PTPRN2: variants seen among roughly 807,000 people sequenced by gnomAD.
The protein encoded by PTPRN2 is receptor-type tyrosine-protein phosphatase N2.
A neutral mutation model predicts 118.8 loss-of-function variants in PTPRN2; 74 were observed. That is an observed-to-expected ratio of 0.62 (90% CI 0.52 to 0.76). PTPRN2 has a LOEUF of 0.76. Among genes scored for constraint, PTPRN2 ranks in the 30% least tolerant of loss-of-function variants. PTPRN2 has a pLI of 0.00. For synonymous variants in PTPRN2, 641 were observed against 608.0 expected (o/e 1.05, Z -0.80); for missense variants, 1,481 against 1,394.4 (o/e 1.06, Z -0.99).
chr7:158,053,062 C>T (rs1387622971), intron 11 of PTPRN2, among the ~76,000 whole-genome samples: 1 of 152,232 alleles, frequency 6.6e-6, no homozygotes, highest in Admixed American at 6.5e-5. Flanking sequence ...GTGGGCACAA[C>T]CCCCAGAAGC....
At chr7:157,742,174 G>A (rs766345789) in intron 12 of PTPRN2, among the ~76,000 whole-genome samples, 1 of 152,208 alleles carries the variant, frequency 6.6e-6, no homozygotes, top group Non-Finnish European at 1.5e-5. Flanking sequence ...ACTGATTTGA[G>A]CATCAAAAGG....
intron 11 of PTPRN2, among the ~76,000 whole-genome samples, chr7:157,942,200 GGTCCTCGGCCCACCCTCCACACACGGGA>G (rs1563260060): frequency 2.6e-4 from 10 of 39,172 alleles, no homozygotes; most frequent in Non-Finnish European, 3.2e-4. Flanking sequence ...CACACACAGG[GGTCCTCGGCCCACCCTCCACACACGGGA>G]GTCCTCGGCA....
At chr7:158,333,897 C>T (rs1341530359) in intron 2 of PTPRN2, among the ~76,000 whole-genome samples, 3 of 143,840 alleles carry the variant, frequency 2.1e-5, no homozygotes, top group Admixed American at 7.0e-5. Flanking sequence ...TAAGAGCTGA[C>T]ACCCGCAGAC....
rs530244159 is a variant in PTPRN2, at chr7:158,526,842, C to G, written c.113-37057G>C. 6.6e-6 allele frequency among the ~76,000 whole-genome samples: 1 copy of G among 152,180 alleles called. No homozygotes were observed. The highest frequency in any genetic ancestry group is 2.4e-5 in the African/African-American group (1 of 41,514). ...CTGCCGTGCTCTCATCTTGGACTTT[C>G]GGCCTCCAGGACTCAGAAATGTCTG... On this transcript the variant is annotated intron_variant, in intron 1 of 22. Coordinates refer to ENST00000389418, the MANE Select transcript of PTPRN2 (RefSeq NM_002847.5). The surrounding 1 kb of genome is among the most constrained non-coding windows in gnomAD (Gnocchi z 5.2).
chr7:158,050,776 C>G (rs1809265724), intron 11 of PTPRN2, among the ~76,000 whole-genome samples: 1 of 152,252 alleles, frequency 6.6e-6, no homozygotes, highest in African/African-American at 2.4e-5. Flanking sequence ...TCCTCAAGTA[C>G]CTGCCTACCA....
intron 11 of PTPRN2, among the ~76,000 whole-genome samples, chr7:157,915,799 G>C (rs1798363667): frequency 6.6e-6 from 1 of 152,102 alleles, no homozygotes. Context: ...TTTAATTATT[G>C]CCAGATGTCT....
At chr7:158,131,581 C>G (rs968054748) in intron 9 of PTPRN2, among the ~76,000 whole-genome samples, 3 of 151,598 alleles carry the variant, frequency 2.0e-5, no homozygotes, top group Admixed American at 1.3e-4. Flanking sequence ...GACATACACA[C>G]TCATACACAC....
At position 158,403,673 on chromosome 7, in the gene PTPRN2, G is replaced by C. The variant is rs1012160119; in HGVS notation, c.163+86062C>G. Among the ~76,000 whole-genome samples the C allele has an allele frequency of 2.6e-5, 4 of 152,170 alleles. No individual in the cohort carries two copies. The East Asian group carries it at 5.8e-4, about 22-fold the overall frequency. On this transcript the variant is annotated intron_variant, in intron 2 of 22. Transcript: ENST00000389418. ...CAGCAGGCAGGCAGTGCGGCAGCCG[G>C]GACTGCGAGTGCCTGGGGTCTGAGG... is the stretch of plus-strand genomic sequence containing the variant.
chr7:158,537,123 C>T (rs752512709), intron 1 of PTPRN2, among the ~76,000 whole-genome samples: 4 of 152,166 alleles, frequency 2.6e-5, no homozygotes, highest in South Asian at 2.1e-4. Context: ...CAGAAGCAGG[C>T]GCTCCCAGAC....
chr7:157,848,913 G>A (rs768677357), intron 12 of PTPRN2, among the ~76,000 whole-genome samples: 29 of 152,232 alleles, frequency 1.9e-4, no homozygotes, highest in Admixed American at 1.8e-3. Context: ...TCACTTGGCC[G>A]CTGCCACCCT....
At chr7:157,844,153 G>A (rs1034307992) in intron 12 of PTPRN2, among the ~76,000 whole-genome samples, 5 of 152,204 alleles carry the variant, frequency 3.3e-5, no homozygotes, top group Non-Finnish European at 5.9e-5. Flanking sequence ...GGTGTGGAAC[G>A]CAGGCCTTTT....
At chr7:158,173,968 A>T (rs1381632892) in intron 5 of PTPRN2, among the ~76,000 whole-genome samples, 1 of 152,174 alleles carries the variant, frequency 6.6e-6, no homozygotes, top group Non-Finnish European at 1.5e-5. Flanking sequence ...CATGTTTTAC[A>T]GTTTGTACCA....
chr7:157,817,062 G>A (rs1806453210), intron 12 of PTPRN2, among the ~76,000 whole-genome samples: 1 of 152,238 alleles, frequency 6.6e-6, no homozygotes, highest in Non-Finnish European at 1.5e-5. Context: ...TGCTCAAGGT[G>A]GAGGGAGGCT....
chr7:157,798,715 CTCT>C lies in PTPRN2; in HGVS notation c.1788+99955_1788+99957del, dbSNP rs1054683627. 2.8e-4 allele frequency among the ~76,000 whole-genome samples: 42 copies of C among 152,176 alleles called. 1 individual carries two copies. Among genetic ancestry groups the C allele is most frequent in the African/African-American group, 1.0e-3 (42 of 41,428 alleles). ...ACTTTATGTTCGTTTTATTAATTAC[CTCT>C]TTTTTGCCTATTGATGTGAAAGAAT... is the stretch of plus-strand genomic sequence containing the variant. On this transcript the variant is annotated intron_variant, in intron 12 of 22. Transcript: ENST00000389418.
chr7:157,719,535 C>A (rs146384556), intron 12 of PTPRN2, among the ~76,000 whole-genome samples: 1 of 152,254 alleles, frequency 6.6e-6, no homozygotes, highest in Admixed American at 6.5e-5. Context: ...CGGAGAACTT[C>A]GTGCCTGCTG....
At position 158,336,844 on chromosome 7, in the gene PTPRN2, C is replaced by G. The variant is rs1318574631; in HGVS notation, c.164-19912G>C. ...AGTGACACCTGCAGACGTCACTCAC[C>G]CACACTCTCACCATAAGAGCTGTCG... On this transcript the variant is annotated intron_variant, in intron 2 of 22. Transcript: ENST00000389418. 3.4e-5 allele frequency among the ~76,000 whole-genome samples: 3 copies of G among 89,438 alleles called. No individual in the cohort carries two copies. The South Asian group carries it at 1.3e-3, about 38-fold the overall frequency. The allele number at this position is 89,438 out of a possible 152,430, so 58.7% of individuals were successfully genotyped here. A position where few individuals can be genotyped will look rare whatever the true frequency, so the allele number is the denominator to read the frequency against.
At chr7:158,538,519 A>G (rs1287975712) in intron 1 of PTPRN2, among the ~76,000 whole-genome samples, 2 of 152,128 alleles carry the variant, frequency 1.3e-5, no homozygotes, top group African/African-American at 4.8e-5. Context: ...TGTGGCTTCT[A>G]TAATGCGTGT....
At chr7:158,180,293 G>T (rs6459849) in intron 5 of PTPRN2, among the ~76,000 whole-genome samples, 95,254 of 152,158 alleles carry the variant, frequency 0.63, 30,960 homozygotes, top group East Asian at 0.85. Flanking sequence ...GTAAGTGTTT[G>T]GGTTTATTTC....
intron 1 of PTPRN2, among the ~76,000 whole-genome samples, chr7:158,512,170 A>T (rs1823228386): frequency 6.6e-6 from 1 of 152,216 alleles, no homozygotes; most frequent in Admixed American, 6.5e-5. Context: ...AAAAGTGCTG[A>T]CCTACATAGC....
Sources: allele counts gnomAD v4.1 joint callset (sites outside exome capture counted in the v4.1 genomes callset), GRCh38; gene constraint gnomAD v4.1.1; non-coding constraint Gnocchi (gnomAD v3.1); transcripts MANE v1.5; gene names NCBI Gene and HGNC (gene_info 2026-07-23, HGNC 2026-07-21).